NRXN1: variants seen among roughly 807,000 people sequenced by gnomAD.
NRXN1 encodes the protein neurexin-1.
In NRXN1, 39 loss-of-function variants were observed where a neutral mutation model predicts 150.9. The ratio of observed to expected loss-of-function variants is 0.26; its 90% CI spans 0.20 to 0.34. The LOEUF (loss-of-function observed/expected upper bound fraction) is 0.34, where lower values mean the gene tolerates loss of function less well. Among genes scored for constraint, NRXN1 ranks in the 10% least tolerant of loss-of-function variants. NRXN1 has a pLI of 1.00. For synonymous variants in NRXN1, 924 were observed against 757.0 expected (o/e 1.22, Z -3.62); for missense variants, 1,815 against 1,949.9 (o/e 0.93, Z 1.30).
chr2:50,344,939 G>A (rs545559835), intron 17 of NRXN1, among the ~76,000 whole-genome samples: 15 of 152,300 alleles, frequency 9.8e-5, no homozygotes, highest in African/African-American at 2.6e-4. Context: ...CCTGCACCCT[G>A]GCTTGCCTCC....
intron 17 of NRXN1, among the ~76,000 whole-genome samples, chr2:50,254,979 G>T (rs932028202): frequency 6.6e-6 from 1 of 151,856 alleles, no homozygotes; most frequent in Non-Finnish European, 1.5e-5. Flanking sequence ...GCTAATTTTT[G>T]TATTTTTTTG....
chr2:50,836,309 AC>A (rs976663092), intron 5 of NRXN1, among the ~76,000 whole-genome samples: 2 of 152,090 alleles, frequency 1.3e-5, no homozygotes, highest in African/African-American at 4.8e-5. Context: ...TCATATACTT[AC>A]CATTTTTTTG....
In NRXN1 at chr2:50,946,366, A is replaced by G. The variant is rs142222328; in HGVS notation, c.773-20411T>C. Among the ~76,000 whole-genome samples the G allele has an allele frequency of 1.6e-3, 242 of 152,274 alleles. No individual in the cohort carries two copies. In the East Asian group the frequency reaches 0.023, roughly 15 times the overall value. On this transcript the variant is annotated intron_variant, in intron 2 of 22. Coordinates refer to ENST00000401669, the MANE Select transcript of NRXN1 (RefSeq NM_001330078.2). ...TGAATTATTATAAACTTAAGATGCTAAGATGTCCTGCATAAACTGTGCACC... is the reference window on the plus strand; with the variant it reads ...TGAATTATTATAAACTTAAGATGCTGAGATGTCCTGCATAAACTGTGCACC...
At chr2:50,850,560 G>A (rs975904853) in intron 5 of NRXN1, among the ~76,000 whole-genome samples, 2 of 151,988 alleles carry the variant, frequency 1.3e-5, no homozygotes, top group Admixed American at 6.6e-5. Context: ...ATCAAATTCC[G>A]CACATAAATT....
intron 19 of NRXN1, among the ~76,000 whole-genome samples, chr2:50,075,728 G>C (rs573081910): frequency 6.6e-6 from 1 of 150,698 alleles, no homozygotes; most frequent in Non-Finnish European, 1.5e-5. Context: ...ATTTAAAAAA[G>C]AAAACTTTCC....
intron 5 of NRXN1, among the ~76,000 whole-genome samples, chr2:50,642,780 T>C (rs976954937): frequency 5.3e-5 from 8 of 151,934 alleles, no homozygotes; most frequent in Non-Finnish European, 1.2e-4. Context: ...TCAGGTTTAG[T>C]ATATAGGAGG....
chr2:49,927,208 A>C (rs1396506099), intron 22 of NRXN1, among the ~76,000 whole-genome samples: 3 of 152,230 alleles, frequency 2.0e-5, no homozygotes, highest in Non-Finnish European at 4.4e-5. Flanking sequence ...AAGTGTGACT[A>C]TTTCACCAGA....
intron 5 of NRXN1, among the ~76,000 whole-genome samples, chr2:50,760,890 T>C (rs980869662): frequency 4.0e-5 from 6 of 151,886 alleles, no homozygotes; most frequent in East Asian, 2.0e-4. Flanking sequence ...TCTATTCACA[T>C]TGTTTGTGCC....
chr2:50,320,519 T>A (rs181404725), intron 17 of NRXN1, among the ~76,000 whole-genome samples: 286 of 151,940 alleles, frequency 1.9e-3, no homozygotes, highest in African/African-American at 6.9e-3. Context: ...GATTTGGCAA[T>A]GGCATTAAGT....
Position 50,101,309 on chromosome 2 carries a change from C to T in NRXN1, c.3547-9815G>A, listed in dbSNP as rs576684934. Reference sequence around the variant, plus strand: ...CCATTGCACTCTTTGATATTACCTCCACCAGGAACTGAACAGGAAAGGGGC... The same window carrying T: ...CCATTGCACTCTTTGATATTACCTCTACCAGGAACTGAACAGGAAAGGGGC... On this transcript the variant is annotated intron_variant, in intron 18 of 22. Coordinates refer to ENST00000401669, the MANE Select transcript of NRXN1 (RefSeq NM_001330078.2). 4.6e-5 allele frequency among the ~76,000 whole-genome samples: 7 copies of T among 152,072 alleles called. No homozygotes were observed. In the East Asian group the frequency reaches 1.4e-3, roughly 29 times the overall value.
At chr2:50,553,693 C>G (rs1418667984) in intron 8 of NRXN1, among the ~76,000 whole-genome samples, 1 of 152,206 alleles carries the variant, frequency 6.6e-6, no homozygotes, top group Non-Finnish European at 1.5e-5. Flanking sequence ...TGCTTCCCCT[C>G]AATTTATTCA....
intron 18 of NRXN1, among the ~76,000 whole-genome samples, chr2:50,183,899 G>A (rs1002010695): frequency 4.0e-5 from 6 of 151,728 alleles, no homozygotes; most frequent in African/African-American, 9.7e-5. Flanking sequence ...GGCAGGCACC[G>A]GTTGTGCTTT....
intron 5 of NRXN1, chr2:50,696,270 A>G (rs1312569504): frequency 1.3e-5 from 2 of 152,450 alleles, no homozygotes; most frequent in African/African-American, 4.8e-5. Context: ...AGAACTGAAG[A>G]CCATAAAATG....
intron 9 of NRXN1, among the ~76,000 whole-genome samples, chr2:50,539,396 C>A (rs1373098529): frequency 6.6e-6 from 1 of 152,050 alleles, no homozygotes; most frequent in African/African-American, 2.4e-5. Context: ...TTTTCTCACT[C>A]CAAATGTTAA....
intron 9 of NRXN1, among the ~76,000 whole-genome samples, chr2:50,543,705 CCTATTAGTTTCCATTAA>C (rs1201332133): frequency 6.6e-6 from 1 of 152,076 alleles, no homozygotes; most frequent in Non-Finnish European, 1.5e-5. Context: ...TTTTTCATTA[CCTATTAGTTTCCATTAA>C]CTTTTCTATC....
At chr2:50,462,810 C>T (rs1439263373) in intron 17 of NRXN1, among the ~76,000 whole-genome samples, 1 of 151,718 alleles carries the variant, frequency 6.6e-6, no homozygotes, top group Non-Finnish European at 1.5e-5. Flanking sequence ...TCCCATCTTC[C>T]CATTGTTAAT....
At chr2:50,356,482 A>G (rs1191044878) in intron 17 of NRXN1, among the ~76,000 whole-genome samples, 1 of 152,200 alleles carries the variant, frequency 6.6e-6, no homozygotes, top group Non-Finnish European at 1.5e-5. Context: ...TTGCTTTTCT[A>G]AAACTGTCTT....
chr2:50,955,027 G>A (rs1038828032), intron 2 of NRXN1, among the ~76,000 whole-genome samples: 3 of 152,228 alleles, frequency 2.0e-5, no homozygotes, highest in South Asian at 2.1e-4. Context: ...ATAAAAAAAG[G>A]GAAAGAAGCA....
chr2:50,686,068 A>C (rs1691186450), intron 5 of NRXN1, among the ~76,000 whole-genome samples: 1 of 152,116 alleles, frequency 6.6e-6, no homozygotes, highest in Admixed American at 6.6e-5. Context: ...CTATGGTGCC[A>C]CAACTAGAAA....
Sources: gnomAD v4.1 joint callset for allele counts (sites outside exome capture counted in the v4.1 genomes callset) on GRCh38, gnomAD v4.1.1 for gene constraint, MANE v1.5 for transcripts, NCBI Gene and HGNC (gene_info 2026-07-23, HGNC 2026-07-21) for gene names.